MCUB: variants seen among roughly 807,000 people sequenced by gnomAD.
The protein encoded by MCUB is calcium uniporter regulatory subunit MCUb, mitochondrial.
A neutral mutation model predicts 41.4 loss-of-function variants in MCUB; 46 were observed. The observed-to-expected ratio is 1.11, with a 90% confidence interval of 0.88 to 1.42. The LOEUF is 1.42. Ranked by LOEUF, MCUB falls within the 40% of genes most tolerant of loss-of-function variation. The pLI, the probability that MCUB is intolerant of heterozygous loss-of-function variation, is 0.00. For synonymous variants in MCUB, 148 were observed against 148.2 expected (o/e 1.00, Z 0.01); for missense variants, 403 against 404.9 (o/e 1.00, Z 0.04).
chr4:109,638,794 ACAGCATCTTCAC>A (rs1411922761), intron 1 of MCUB, among the ~76,000 whole-genome samples: 1 of 152,232 alleles, frequency 6.6e-6, no homozygotes, highest in African/African-American at 2.4e-5. Context: ...AGTGAAATTC[ACAGCATCTTCAC>A]CAAGAGTAGA....
At chr4:109,660,144 T>G (rs958597249) in intron 2 of MCUB, 51 bp from the exon 3 acceptor site, 14 of 919,066 alleles carry the variant, frequency 1.5e-5, no homozygotes, top group South Asian at 1.1e-4. Flanking sequence ...GTATTTATGG[T>G]TTTTTTTAAA....
chr4:109,587,616 T>A (rs986879455), intron 1 of MCUB, among the ~76,000 whole-genome samples: 8 of 152,334 alleles, frequency 5.3e-5, no homozygotes, highest in African/African-American at 1.9e-4. Flanking sequence ...AAACTTTTTT[T>A]AAAAAATTAC....
At chr4:109,579,357 C>A (rs1727115432) in intron 1 of MCUB, among the ~76,000 whole-genome samples, 1 of 151,920 alleles carries the variant, frequency 6.6e-6, no homozygotes, top group Non-Finnish European at 1.5e-5. Flanking sequence ...TCAAGCGATT[C>A]TCCTGCCTCA....
intron 1 of MCUB, among the ~76,000 whole-genome samples, chr4:109,654,115 TTG>T (rs1316330212): frequency 2.7e-5 from 2 of 72,814 alleles, no homozygotes; most frequent in African/African-American, 1.9e-4. Context: ...AATAAATGTG[TTG>T]TTTTTTTTTT....
At position 109,645,923 on chromosome 4, in the gene MCUB, C is replaced by G. The variant is rs938036429; in HGVS notation, c.100-13088C>G. On this transcript the variant is annotated intron_variant, in intron 1 of 7. Coordinates refer to ENST00000394650, the MANE Select transcript of MCUB (RefSeq NM_017918.5). ...CCTTTACTCCCTTAGTTGTCACTCT[C>G]TCACTACCTCTCACGCTATGCAAGT... Among the ~76,000 whole-genome samples, 3 of 152,180 alleles carry G rather than the reference C, an allele frequency of 2.0e-5. No homozygotes were observed. In the East Asian group the frequency reaches 5.8e-4, roughly 29 times the overall value.
intron 1 of MCUB, among the ~76,000 whole-genome samples, chr4:109,644,290 A>G (rs755172660): frequency 1.3e-5 from 2 of 152,228 alleles, no homozygotes; most frequent in African/African-American, 4.8e-5. Context: ...ATTATAAGTC[A>G]TTCTGAAAAA....
chr4:109,590,690 T>C (rs1041484886), intron 1 of MCUB, among the ~76,000 whole-genome samples: 5 of 152,172 alleles, frequency 3.3e-5, no homozygotes, highest in African/African-American at 1.2e-4. Flanking sequence ...CACTTGATAT[T>C]TCAGTTTTAG....
chr4:109,667,963 G>A (rs1276297886), intron 4 of MCUB, among the ~76,000 whole-genome samples: 2 of 151,306 alleles, frequency 1.3e-5, no homozygotes, highest in South Asian at 4.2e-4. Context: ...GCTATCTTTG[G>A]GTTATTGATT....
intron 1 of MCUB, among the ~76,000 whole-genome samples, chr4:109,592,879 A>T (rs1727470076): frequency 6.6e-6 from 1 of 152,240 alleles, no homozygotes; most frequent in African/African-American, 2.4e-5. Context: ...CCATGGAGAG[A>T]ATTTGAAAGC....
At chr4:109,572,428 A>G (rs553513014) in intron 1 of MCUB, among the ~76,000 whole-genome samples, 38 of 152,358 alleles carry the variant, frequency 2.5e-4, no homozygotes, top group African/African-American at 9.1e-4. Flanking sequence ...AATAGTTATT[A>G]AAAGTATTAT....
At chr4:109,574,515 C>T (rs541147838) in intron 1 of MCUB, among the ~76,000 whole-genome samples, 1 of 152,290 alleles carries the variant, frequency 6.6e-6, no homozygotes, top group East Asian at 1.9e-4. Context: ...AGTGAACACA[C>T]CCGAACCAGG....
At chr4:109,615,391 T>G (rs575355878) in intron 1 of MCUB, among the ~76,000 whole-genome samples, 1 of 152,200 alleles carries the variant, frequency 6.6e-6, no homozygotes, top group South Asian at 2.1e-4. Context: ...ACAGTATTAT[T>G]ATCATAGATG....
intron 1 of MCUB, among the ~76,000 whole-genome samples, chr4:109,571,193 T>C (rs921279470): frequency 2.0e-5 from 3 of 152,202 alleles, no homozygotes; most frequent in African/African-American, 7.2e-5. Flanking sequence ...TGTGTGTATG[T>C]TTTTCCTTCT....
At chr4:109,657,908 A>C (rs910614914) in intron 1 of MCUB, among the ~76,000 whole-genome samples, 2 of 152,244 alleles carry the variant, frequency 1.3e-5, no homozygotes, top group African/African-American at 2.4e-5. Context: ...TTTCAGTGAG[A>C]TAGCCATTAG....
At chr4:109,586,484 T>G (rs967823951) in intron 1 of MCUB, among the ~76,000 whole-genome samples, 13 of 152,214 alleles carry the variant, frequency 8.5e-5, no homozygotes, top group African/African-American at 3.1e-4. Context: ...TCCGTCCAGC[T>G]TTGTTCTGTT....
At chr4:109,655,210 T>C (rs1729064070) in intron 1 of MCUB, among the ~76,000 whole-genome samples, 1 of 152,254 alleles carries the variant, frequency 6.6e-6, no homozygotes, top group African/African-American at 2.4e-5. Context: ...ACAGTTTGTG[T>C]GAACATAGTT....
intron 1 of MCUB, among the ~76,000 whole-genome samples, chr4:109,603,239 G>A (rs1475394833): frequency 6.6e-6 from 1 of 152,196 alleles, no homozygotes; most frequent in Non-Finnish European, 1.5e-5. Context: ...GGGATTGCAG[G>A]CGCGCGCCGC....
At chr4:109,680,011 A>G (rs1334431173) in intron 4 of MCUB, among the ~76,000 whole-genome samples, 1 of 152,140 alleles carries the variant, frequency 6.6e-6, no homozygotes, top group Non-Finnish European at 1.5e-5. Flanking sequence ...CCTGTTGGCC[A>G]GGCTGATCTC....
intron 1 of MCUB, among the ~76,000 whole-genome samples, chr4:109,633,480 A>G (rs1441321565): frequency 1.3e-5 from 2 of 152,080 alleles, no homozygotes; most frequent in Non-Finnish European, 2.9e-5. Context: ...AGTGTTAGCC[A>G]GGATGGTCTC....
Sources: allele counts gnomAD v4.1 joint callset (sites outside exome capture counted in the v4.1 genomes callset), GRCh38; gene constraint gnomAD v4.1.1; transcripts MANE v1.5; gene names NCBI Gene and HGNC (gene_info 2026-07-23, HGNC 2026-07-21).